NPY2R: variants seen among roughly 807,000 people sequenced by gnomAD.
The protein encoded by NPY2R is neuropeptide Y receptor type 2.
A neutral mutation model predicts 22.3 loss-of-function variants in NPY2R; 17 were observed. The ratio of observed to expected loss-of-function variants is 0.76; its 90% CI spans 0.52 to 1.14. The LOEUF is 1.14. NPY2R is among the 50% of genes most tolerant of loss of function. NPY2R has a pLI of 0.00. For missense variants in NPY2R, 424 were observed against 467.9 expected (o/e 0.91, Z 0.87); for synonymous variants, 209 against 183.4 (o/e 1.14, Z -1.13).
chr4:155,211,792 A>C (rs1226340455), intron 1 of NPY2R, among the ~76,000 whole-genome samples: 2 of 152,224 alleles, frequency 1.3e-5, no homozygotes, highest in African/African-American at 4.8e-5. Context: ...GATATGAGGA[A>C]GAGGTAGTGT....
At chr4:155,201,424 G>T in the NPY2R span, among the ~76,000 whole-genome samples, 1 of 152,162 alleles carries the variant, frequency 6.6e-6, no homozygotes, top group African/African-American at 2.4e-5. Flanking sequence ...CACCAACTCA[G>T]CTCAGGAGCC....
chr4:155,184,390 A>G, the NPY2R span, among the ~76,000 whole-genome samples: 32 of 152,210 alleles, frequency 2.1e-4, no homozygotes, highest in Non-Finnish European at 4.0e-4. Context: ...AAACCCAGAG[A>G]AATAATTTCT....
the NPY2R span, among the ~76,000 whole-genome samples, chr4:155,185,540 T>C: frequency 6.6e-6 from 1 of 152,140 alleles, no homozygotes; most frequent in Non-Finnish European, 1.5e-5. Flanking sequence ...ATACTGTTAG[T>C]AGTAATTAAG....
the NPY2R span, among the ~76,000 whole-genome samples, chr4:155,195,858 C>A: frequency 6.6e-6 from 1 of 151,800 alleles, no homozygotes; most frequent in Admixed American, 6.6e-5. Flanking sequence ...CAAAAAGATG[C>A]CAGAGGACAG....
chr4:155,195,062 G>A, the NPY2R span, among the ~76,000 whole-genome samples: 1 of 151,942 alleles, frequency 6.6e-6, no homozygotes, highest in Non-Finnish European at 1.5e-5. Context: ...TAAGCAAAGA[G>A]ATGTATCCCC....
At chr4:155,191,411 T>C in the NPY2R span, among the ~76,000 whole-genome samples, 1 of 151,914 alleles carries the variant, frequency 6.6e-6, no homozygotes, top group African/African-American at 2.4e-5. Context: ...ATCTTGGAAC[T>C]GTAGCCTAAC....
the NPY2R span, among the ~76,000 whole-genome samples, chr4:155,192,160 G>A: frequency 6.7e-6 from 1 of 149,416 alleles, no homozygotes; most frequent in Non-Finnish European, 1.5e-5. Context: ...CACAAGTGCT[G>A]TCTTTCAAAA....
the NPY2R span, among the ~76,000 whole-genome samples, chr4:155,190,322 C>T: frequency 6.6e-6 from 1 of 151,978 alleles, no homozygotes; most frequent in African/African-American, 2.4e-5. Context: ...GGAAAGGTCA[C>T]AAATATGGCT....
chr4:155,215,496 G>A lies in NPY2R; in HGVS notation c.*411G>A. ...TGTGCAGTTCGCTGCTCCCTGCTTG[G>A]CTTATGAAAACACCACTGAACAGAA... On this transcript the variant is annotated 3_prime_UTR_variant, in exon 2 of 2. Coordinates refer to ENST00000329476, the MANE Select transcript of NPY2R (RefSeq NM_000910.4). The A allele has an allele frequency of 3.8e-6, 1 of 264,538 alleles. No homozygotes were observed. Among genetic ancestry groups the A allele is most frequent in the Non-Finnish European group, 7.9e-6 (1 of 127,136 alleles). The allele number at this position is 264,538 out of a possible 1,614,324, so 16.4% of individuals were successfully genotyped here. A position where few individuals can be genotyped will look rare whatever the true frequency, so the allele number is the denominator to read the frequency against.
chr4:155,181,991 C>G, the NPY2R span, among the ~76,000 whole-genome samples: 17 of 152,270 alleles, frequency 1.1e-4, no homozygotes, highest in African/African-American at 3.9e-4. Flanking sequence ...AAAAATACAA[C>G]TTGACTGTCA....
the NPY2R span, among the ~76,000 whole-genome samples, chr4:155,196,851 G>A: frequency 1.3e-5 from 2 of 151,980 alleles, no homozygotes; most frequent in South Asian, 4.2e-4. Flanking sequence ...TCAGTTCAAA[G>A]GAGCTCATCT....
chr4:155,202,891 C>T, the NPY2R span, among the ~76,000 whole-genome samples: 1 of 152,056 alleles, frequency 6.6e-6, no homozygotes, highest in African/African-American at 2.4e-5. Context: ...TCCTCTTTAG[C>T]CATGGGTCTT....
the NPY2R span, among the ~76,000 whole-genome samples, chr4:155,187,060 C>A: frequency 6.6e-6 from 1 of 152,084 alleles, no homozygotes; most frequent in Non-Finnish European, 1.5e-5. Context: ...AGAGGAACTT[C>A]AGAATCTAAT....
At chr4:155,206,505 G>T (rs1433220739), upstream of NPY2R, 1 of 152,190 alleles carries the variant, frequency 6.6e-6, no homozygotes, top group African/African-American at 2.4e-5. Flanking sequence ...ACACTATGAA[G>T]TGACTTTCAT....
chr4:155,191,830 C>T, the NPY2R span, among the ~76,000 whole-genome samples: 3 of 151,790 alleles, frequency 2.0e-5, no homozygotes, highest in Non-Finnish European at 4.4e-5. Flanking sequence ...CCCTTTGGAG[C>T]GAGAACTGTC....
At chr4:155,174,462 T>TTATATATATATATATATATATATATA in the NPY2R span, among the ~76,000 whole-genome samples, 36 of 116,548 alleles carry the variant, frequency 3.1e-4, no homozygotes, top group East Asian at 1.8e-3. Flanking sequence ...TGGCTAAGCT[T>TTATATATATATATATATATATATATA]TATATATATA....
the NPY2R span, among the ~76,000 whole-genome samples, chr4:155,189,787 T>A: frequency 0.42 from 63,584 of 151,686 alleles, 13,777 homozygotes; most frequent in East Asian, 0.69. Context: ...TTTTTATAAA[T>A]CAAATAATAT....
At chr4:155,204,196 T>A (rs1423280264), upstream of NPY2R, among the ~76,000 whole-genome samples, 1 of 149,284 alleles carries the variant, frequency 6.7e-6, no homozygotes. Flanking sequence ...GATATTAAGG[T>A]GAGGGGAAAA....
Position 155,214,403 on chromosome 4 carries a change from A to T in NPY2R, c.464A>T (p.His155Leu). ...GACCGGCACAGGTGCATCGTCTACC[A>T]CCTAGAGAGCAAGATCTCCAAGCGA... ...ALDRHRCIVY[H>L]LESKISKRIS... The change falls in exon 2 of 2, where the codon CAC becomes CTC. Residue 155 changes from histidine (H) to leucine (L), a missense_variant. Coordinates refer to ENST00000329476, the MANE Select transcript of NPY2R (RefSeq NM_000910.4). The T allele has an allele frequency of 6.2e-7, 1 of 1,614,060 alleles. No homozygotes were observed. Among genetic ancestry groups the T allele is most frequent in the Non-Finnish European group, 8.5e-7 (1 of 1,180,016 alleles).
Sources: gnomAD v4.1 joint callset for allele counts (sites outside exome capture counted in the v4.1 genomes callset) on GRCh38, gnomAD v4.1.1 for gene constraint, MANE v1.5 for transcripts, NCBI Gene and HGNC (gene_info 2026-07-23, HGNC 2026-07-21) for gene names.